The following RBFOX1 variants were observed in gnomAD, a reference collection of about 807,000 sequenced individuals.
RBFOX1 encodes the protein RNA binding fox-1 homolog 1.
Under a neutral mutation model 57.7 loss-of-function variants are expected in RBFOX1, and 8 were observed. The observed-to-expected ratio is 0.14, with a 90% CI of 0.08 to 0.25. RBFOX1 has a LOEUF of 0.25. Among genes scored for constraint, RBFOX1 ranks in the 10% least tolerant of loss-of-function variants. RBFOX1 has a pLI of 1.00. For synonymous variants in RBFOX1, 326 were observed against 222.4 expected, an observed-to-expected ratio of 1.47 and a Z score of -4.15; for missense variants, 611 against 548.5, an observed-to-expected ratio of 1.11 and a Z score of -1.14.
At chr16:6,476,512 A>G (rs1321273196) in intron 2 of RBFOX1, among the ~76,000 whole-genome samples, 3 of 152,226 alleles carry the variant, frequency 2.0e-5, no homozygotes, top group African/African-American at 7.2e-5. Flanking sequence ...ATAGCATTGT[A>G]TCTAAAAAAC....
At chr16:6,026,816 A>T (rs1172891015) in intron 1 of RBFOX1, among the ~76,000 whole-genome samples, 1 of 152,148 alleles carries the variant, frequency 6.6e-6, no homozygotes, top group South Asian at 2.1e-4. Flanking sequence ...CGCTCTGAGT[A>T]TGATTTTGAG....
At chr16:6,651,743 A>G (rs2098597919) in intron 2 of RBFOX1, among the ~76,000 whole-genome samples, 2 of 152,210 alleles carry the variant, frequency 1.3e-5, no homozygotes, top group African/African-American at 4.8e-5. Flanking sequence ...GGAGTTGAAT[A>G]GATACGTACA....
At chr16:5,465,719 G>C (rs181906628) in intron 1 of RBFOX1, among the ~76,000 whole-genome samples, 14 of 152,324 alleles carry the variant, frequency 9.2e-5, no homozygotes, top group Middle Eastern at 6.8e-3. Flanking sequence ...TTAACACTCA[G>C]GCCTTCAGTG....
chr16:6,322,420 G>C (rs1433086462), intron 2 of RBFOX1, among the ~76,000 whole-genome samples: 1 of 152,074 alleles, frequency 6.6e-6, no homozygotes, highest in Non-Finnish European at 1.5e-5. Context: ...CCAAGCACTT[G>C]CTACACTTGG....
At chr16:6,779,232 T>A (rs2079920262) in intron 3 of RBFOX1, among the ~76,000 whole-genome samples, 1 of 152,094 alleles carries the variant, frequency 6.6e-6, no homozygotes, top group South Asian at 2.1e-4. Flanking sequence ...GAGATCAATT[T>A]TTTTAGCTCC....
chr16:7,709,578 G>A, intron 15 of RBFOX1: 1 of 1,530,040 alleles, frequency 6.5e-7, no homozygotes, highest in Non-Finnish European at 8.8e-7. Flanking sequence ...CTGAGAATCT[G>A]ACTGCCTCTC....
rs182548945 is a variant in RBFOX1, at chr16:6,918,660, G to T, written c.-15-133397G>T. ...AAAATGTGGTTGCTTGTCACTGAGT[G>T]TCCTACCCAATGGGCATATCTCTGG... On this transcript the variant is annotated intron_variant, in intron 3 of 15. Transcript: ENST00000550418. Among the ~76,000 whole-genome samples the T allele has an allele frequency of 4.3e-4, 65 of 152,232 alleles. 1 individual carries two copies. The highest frequency in any genetic ancestry group is 1.4e-3 in the African/African-American group (60 of 41,542).
intron 2 of RBFOX1, among the ~76,000 whole-genome samples, chr16:6,564,499 C>T (rs1275831781): frequency 6.9e-6 from 1 of 144,282 alleles, no homozygotes; most frequent in African/African-American, 2.5e-5. Flanking sequence ...CAAACAAACA[C>T]ATGGGTAAAC....
chr16:7,129,403 C>T, intron 4 of RBFOX1, among the ~76,000 whole-genome samples: 1 of 151,926 alleles, frequency 6.6e-6, no homozygotes, highest in East Asian at 1.9e-4. Flanking sequence ...AACAGTAGCT[C>T]AAAGGAAAGT....
intron 4 of RBFOX1, among the ~76,000 whole-genome samples, chr16:5,908,851 C>T (rs1220718688): frequency 9.2e-5 from 14 of 151,900 alleles, no homozygotes; most frequent in Admixed American, 7.2e-4. Context: ...GTGAAGCCTT[C>T]ATGAGTGGGA....
intron 4 of RBFOX1, among the ~76,000 whole-genome samples, chr16:7,313,917 C>T (rs867540705): frequency 2.0e-5 from 3 of 152,182 alleles, no homozygotes; most frequent in African/African-American, 7.2e-5. Flanking sequence ...AGACCTCTGC[C>T]AGGTTCCTGC....
chr16:6,454,124 C>T (rs545720786), intron 2 of RBFOX1, among the ~76,000 whole-genome samples: 1 of 152,318 alleles, frequency 6.6e-6, no homozygotes, highest in African/African-American at 2.4e-5. Flanking sequence ...AGGGCCCACC[C>T]TATGACCTCG....
At chr16:6,697,314 A>C (rs560733824) in intron 3 of RBFOX1, among the ~76,000 whole-genome samples, 1 of 152,284 alleles carries the variant, frequency 6.6e-6, no homozygotes, top group African/African-American at 2.4e-5. Flanking sequence ...GACTTTGGTC[A>C]CTAAGCTTGC....
At chr16:7,007,264 G>C (rs1381964823) in intron 3 of RBFOX1, among the ~76,000 whole-genome samples, 1 of 152,138 alleles carries the variant, frequency 6.6e-6, no homozygotes, top group Non-Finnish European at 1.5e-5. Context: ...ACGTCCTTTT[G>C]TGAAGTGTGG....
intron 1 of RBFOX1, among the ~76,000 whole-genome samples, chr16:6,064,513 T>C (rs1374186860): frequency 6.6e-6 from 1 of 152,190 alleles, no homozygotes; most frequent in Non-Finnish European, 1.5e-5. Context: ...TCTTTTCACA[T>C]AGGCAGAATA....
At chr16:5,277,266 A>G (rs2063164113) in intron 1 of RBFOX1, among the ~76,000 whole-genome samples, 1 of 151,950 alleles carries the variant, frequency 6.6e-6, no homozygotes, top group Admixed American at 6.6e-5. Flanking sequence ...TGATGATGCA[A>G]AGGGACGAGA....
At chr16:6,689,811 A>T (rs564068706) in intron 3 of RBFOX1, among the ~76,000 whole-genome samples, 10 of 152,326 alleles carry the variant, frequency 6.6e-5, no homozygotes, top group African/African-American at 2.2e-4. Flanking sequence ...CTCAATGCAC[A>T]GACTTCTTGA....
At chr16:7,101,501 G>T (rs1599531616) in intron 4 of RBFOX1, among the ~76,000 whole-genome samples, 1 of 152,130 alleles carries the variant, frequency 6.6e-6, no homozygotes, top group Non-Finnish European at 1.5e-5. Flanking sequence ...TTCAGAAAGA[G>T]ACCGGCTGTA....
chr16:6,624,538 T>A (rs1280735080), intron 2 of RBFOX1, among the ~76,000 whole-genome samples: 1 of 152,132 alleles, frequency 6.6e-6, no homozygotes, highest in Non-Finnish European at 1.5e-5. Flanking sequence ...GTTAGAGTGA[T>A]ATTTTGTCCC....
Sources: allele counts gnomAD v4.1 joint callset (sites outside exome capture counted in the v4.1 genomes callset), GRCh38; gene constraint gnomAD v4.1.1; transcripts MANE v1.5; gene names NCBI Gene and HGNC (gene_info 2026-07-23, HGNC 2026-07-21).